FBXW11: variants seen among roughly 807,000 people sequenced by gnomAD.
The protein encoded by FBXW11 is F-box/WD repeat-containing protein 11.
FBXW11 carries 19 observed loss-of-function variants against 77.6 expected under a neutral mutation model. The ratio of observed to expected loss-of-function variants is 0.24; its 90% CI spans 0.17 to 0.36. FBXW11 has a LOEUF of 0.36. FBXW11 is among the 10% of genes least tolerant of loss of function. The pLI is 1.00. For synonymous variants in FBXW11, 235 were observed against 249.4 expected, an observed-to-expected ratio of 0.94 and a Z score of 0.54; for missense variants, 334 against 704.2, an observed-to-expected ratio of 0.47 and a Z score of 5.95.
intron 2 of FBXW11, among the ~76,000 whole-genome samples, chr5:171,957,008 C>T (rs190141805): frequency 3.2e-4 from 49 of 152,290 alleles, no homozygotes; most frequent in East Asian, 5.8e-4. Flanking sequence ...AATTCTCTGC[C>T]GGCCTCGGCC....
At chr5:171,922,118 T>G (rs1761634476) in intron 2 of FBXW11, among the ~76,000 whole-genome samples, 1 of 152,118 alleles carries the variant, frequency 6.6e-6, no homozygotes, top group African/African-American at 2.4e-5. Context: ...ATTTACTAGA[T>G]ATATCTCAAA....
chr5:171,940,632 G>A (rs1762702559), intron 2 of FBXW11, among the ~76,000 whole-genome samples: 1 of 152,224 alleles, frequency 6.6e-6, no homozygotes. Context: ...GCTCATGTCT[G>A]TAATCCCGGC....
At chr5:171,976,066 G>A (rs910877782) in intron 1 of FBXW11, among the ~76,000 whole-genome samples, 2 of 152,148 alleles carry the variant, frequency 1.3e-5, no homozygotes, top group African/African-American at 4.8e-5. Context: ...TGGAGAGAGG[G>A]AGGGGAGGAA....
Position 171,891,586 on chromosome 5 carries a change from G to A in FBXW11, c.733C>T (p.Arg245Trp), listed in dbSNP as rs1561654464. ...QDIETIESNW[R>W]CGRHNLQRIQ... ...CTCTGCAAGTTGTGTCGTCCACACCGCCAGTTAGATTCTATAGTCTAGGGA... is the reference window on the plus strand; with the variant it reads ...CTCTGCAAGTTGTGTCGTCCACACCACCAGTTAGATTCTATAGTCTAGGGA... Residue 245 changes from arginine (R) to tryptophan (W), a missense_variant, in exon 7 of 14, where the codon CGG (arginine) becomes TGG (tryptophan). Physicochemically the swap from Arg to Trp is moderately radical, Grantham distance 101. This residue lies in a region of FBXW11 where 70 missense variants were observed against 136.6 expected (regional missense o/e 0.51). Transcript: ENST00000517395. 1.9e-6 allele frequency: 3 copies of A among 1,608,876 alleles called. No homozygotes were observed. The highest frequency in any genetic ancestry group is 2.2e-5 in the East Asian group (1 of 44,650).
intron 2 of FBXW11, among the ~76,000 whole-genome samples, chr5:171,946,972 G>A (rs1192528275): frequency 1.3e-5 from 2 of 151,782 alleles, no homozygotes; most frequent in Admixed American, 6.6e-5. Context: ...CTGCCACCAC[G>A]CCTGGCTAAT....
At chr5:172,003,716 G>C (rs537881924) in intron 1 of FBXW11, among the ~76,000 whole-genome samples, 1 of 152,130 alleles carries the variant, frequency 6.6e-6, no homozygotes, top group Non-Finnish European at 1.5e-5. Context: ...CAAAGTGGGG[G>C]TTATATTTTA....
intron 4 of FBXW11, among the ~76,000 whole-genome samples, chr5:171,906,491 G>A (rs1483767851): frequency 2.0e-5 from 3 of 152,110 alleles, no homozygotes; most frequent in African/African-American, 4.8e-5. Context: ...GAATCAATTC[G>A]GGAATCAGTG....
chr5:171,964,139 A>C (rs1215566919), intron 1 of FBXW11, among the ~76,000 whole-genome samples: 1 of 152,228 alleles, frequency 6.6e-6, no homozygotes, highest in African/African-American at 2.4e-5. Context: ...TTTGTTTTAC[A>C]AACAATGCAA....
chr5:171,947,043 C>T (rs1477850346), intron 2 of FBXW11, among the ~76,000 whole-genome samples: 2 of 151,940 alleles, frequency 1.3e-5, no homozygotes, highest in Non-Finnish European at 2.9e-5. Flanking sequence ...TGAACTCCTG[C>T]CCTCAAGTGA....
chr5:171,948,138 G>A (rs1054431292), intron 2 of FBXW11, among the ~76,000 whole-genome samples: 1 of 151,240 alleles, frequency 6.6e-6, no homozygotes, highest in Non-Finnish European at 1.5e-5. Flanking sequence ...GGGAGGCTGA[G>A]GCAGGAGAAT....
intron 1 of FBXW11, among the ~76,000 whole-genome samples, chr5:171,998,484 C>T (rs923711856): frequency 6.6e-6 from 1 of 151,148 alleles, no homozygotes; most frequent in African/African-American, 2.4e-5. Context: ...CTAAAGCCCA[C>T]AATATTAATG....
At chr5:171,974,930 G>A (rs947256664) in intron 1 of FBXW11, among the ~76,000 whole-genome samples, 32 of 152,146 alleles carry the variant, frequency 2.1e-4, no homozygotes, top group African/African-American at 7.2e-4. Context: ...AAGTGGCTAG[G>A]ACTACAGGCA....
chr5:171,932,701 C>A (rs916863896), intron 2 of FBXW11, among the ~76,000 whole-genome samples: 1 of 152,028 alleles, frequency 6.6e-6, no homozygotes, highest in Non-Finnish European at 1.5e-5. Context: ...CTCTTTTTTA[C>A]TTGTCCAAAT....
chr5:171,888,431 C>T (rs1389885694), intron 7 of FBXW11, among the ~76,000 whole-genome samples: 2 of 152,112 alleles, frequency 1.3e-5, no homozygotes, highest in African/African-American at 4.8e-5. Flanking sequence ...GTAGTGAAAG[C>T]CCATGACAGA....
chr5:171,885,211 A>G (rs1758798483), intron 7 of FBXW11, among the ~76,000 whole-genome samples: 1 of 152,216 alleles, frequency 6.6e-6, no homozygotes, highest in Admixed American at 6.5e-5. Context: ...TATAGTTTTA[A>G]AAGTTTCTTT....
chr5:171,999,526 G>A (rs944771150), intron 1 of FBXW11, among the ~76,000 whole-genome samples: 1 of 152,076 alleles, frequency 6.6e-6, no homozygotes, highest in Non-Finnish European at 1.5e-5. Context: ...TGCCAGGTGA[G>A]TAGTGTCAGG....
chr5:171,972,769 T>A (rs1010174788), intron 1 of FBXW11, among the ~76,000 whole-genome samples: 26 of 152,086 alleles, frequency 1.7e-4, no homozygotes, highest in African/African-American at 6.0e-4. Flanking sequence ...GGTCTTGAAC[T>A]CCTGACCTCA....
At chr5:172,004,503 T>A (rs1238612057) in intron 1 of FBXW11, among the ~76,000 whole-genome samples, 1 of 152,150 alleles carries the variant, frequency 6.6e-6, no homozygotes, top group East Asian at 1.9e-4. Flanking sequence ...GGCCAAAGGT[T>A]TTTATTTTTT....
intron 1 of FBXW11, among the ~76,000 whole-genome samples, chr5:171,960,648 T>C (rs1561724380): frequency 6.6e-6 from 1 of 152,234 alleles, no homozygotes; most frequent in Admixed American, 6.5e-5. Flanking sequence ...GAAGGCATTT[T>C]AAATACTATT....
Sources: gnomAD v4.1 joint callset for allele counts (sites outside exome capture counted in the v4.1 genomes callset) on GRCh38, gnomAD v4.1.1 for gene constraint, gnomAD v4.1.1 regional missense constraint, MANE v1.5 for transcripts, NCBI Gene and HGNC (gene_info 2026-07-23, HGNC 2026-07-21) for gene names.